ZDHHC14: variants seen among roughly 807,000 people sequenced by gnomAD.
ZDHHC14 encodes zDHHC palmitoyltransferase 14, also known as palmitoyltransferase ZDHHC14.
In ZDHHC14, 16 loss-of-function variants were observed where a neutral mutation model predicts 47.7. The observed-to-expected ratio is 0.34, with a 90% CI of 0.23 to 0.51. The LOEUF is 0.51. Among genes scored for constraint, ZDHHC14 ranks in the 20% least tolerant of loss-of-function variants. The pLI is 0.97. For synonymous variants in ZDHHC14, 293 were observed against 278.9 expected (o/e 1.05, Z -0.50); for missense variants, 515 against 662.5 (o/e 0.78, Z 2.44).
chr6:157,612,367 G>C (rs1023018878), intron 3 of ZDHHC14, among the ~76,000 whole-genome samples: 2 of 152,184 alleles, frequency 1.3e-5, no homozygotes, highest in African/African-American at 4.8e-5. Flanking sequence ...CTATGGGAAG[G>C]AGGCCAAAAT....
At position 157,628,349 on chromosome 6, in the gene ZDHHC14, A is replaced by G; in HGVS notation, c.566A>G (p.Glu189Gly). Residue 189 changes from glutamate to glycine, a missense_variant and splice_region_variant, in exon 4 of 9, where the codon GAA becomes GGA. Transcript: ENST00000359775. ...TTTTTTTTTCTGCCTCTCATTTCAGAACGGTTTGATCACCACTGTCCCTGG... is the reference window on the plus strand; with the variant it reads ...TTTTTTTTTCTGCCTCTCATTTCAGGACGGTTTGATCACCACTGTCCCTGG... ...SHCSLCDNCV[E>G]RFDHHCPWVG... 6.3e-7 allele frequency: 1 copy of G among 1,585,350 alleles called. No homozygotes were observed. Among genetic ancestry groups the G allele is most frequent in the Non-Finnish European group, 8.5e-7 (1 of 1,173,032 alleles).
rs923227352 is a variant in ZDHHC14 at position 157,557,033 on chromosome 6, C to G, written c.406+14288C>G. On this transcript the variant is annotated intron_variant, in intron 2 of 8. Transcript: ENST00000359775. ...TCCTCTTTCTCCACGAGGGAAAGGC[C>G]GAGAGCCTGGACCAGACCATGCCAC... is the stretch of plus-strand genomic sequence containing the variant. 2.6e-5 allele frequency among the ~76,000 whole-genome samples: 4 copies of G among 152,152 alleles called. 1 individual carries two copies. The highest frequency in any genetic ancestry group is 4.4e-5 in the Non-Finnish European group (3 of 68,030).
intron 8 of ZDHHC14, among the ~76,000 whole-genome samples, chr6:157,656,599 G>T (rs898903352): frequency 1.3e-5 from 2 of 151,560 alleles, no homozygotes; most frequent in Non-Finnish European, 2.9e-5. Context: ...GCCTCCCAAA[G>T]TGATAGGATT....
At chr6:157,526,227 A>G (rs900493983) in intron 1 of ZDHHC14, among the ~76,000 whole-genome samples, 10 of 152,348 alleles carry the variant, frequency 6.6e-5, no homozygotes, top group African/African-American at 2.2e-4. Context: ...TAACTCATCA[A>G]TTCTCAAAAC....
rs1325226474 is a variant in ZDHHC14, at chr6:157,636,330, TATATAA to T, written c.752+3449_752+3454del. Among the ~76,000 whole-genome samples, 5 of 76,018 alleles carry T rather than the reference TATATAA, an allele frequency of 6.6e-5. No homozygotes were observed. The East Asian group carries it at 2.9e-3, about 44-fold the overall frequency. 49.9% of individuals were successfully genotyped at this position (76,018 alleles called of 152,430 possible). A position where few individuals can be genotyped will look rare whatever the true frequency, so the allele number is the denominator to read the frequency against. On this transcript the variant is annotated intron_variant, in intron 5 of 8. Coordinates refer to ENST00000359775, the MANE Select transcript of ZDHHC14 (RefSeq NM_024630.3). ...CACATATATAAGGACTATATAAGGA[TATATAA>T]GTGTGTGTGTGTGTGTGTGTGTGTG...
chr6:157,582,455 C>G lies in ZDHHC14; in HGVS notation c.407-10533C>G, dbSNP rs1783550854. On this transcript the variant is annotated intron_variant, in intron 2 of 8. Transcript: ENST00000359775. The surrounding 1 kb of genome is among the most constrained non-coding windows in gnomAD (Gnocchi z 4.3). ...GTGGCAAGGAATTCCTCAACATTTG[C>G]TTTGAAAAAGATCTTACTTATCCCT... Among the ~76,000 whole-genome samples the G allele has an allele frequency of 6.6e-6, 1 of 152,126 alleles. No homozygotes were observed. The highest frequency in any genetic ancestry group is 2.4e-5 in the African/African-American group (1 of 41,436).
chr6:157,487,243 C>T (rs973096663), intron 1 of ZDHHC14, among the ~76,000 whole-genome samples: 1 of 152,122 alleles, frequency 6.6e-6, no homozygotes, highest in Non-Finnish European at 1.5e-5. Flanking sequence ...GGATTTCAGG[C>T]AGGAGGGAGA....
At chr6:157,472,647 A>G (rs1235947397) in intron 1 of ZDHHC14, among the ~76,000 whole-genome samples, 4 of 152,160 alleles carry the variant, frequency 2.6e-5, no homozygotes, top group African/African-American at 9.7e-5. Context: ...CCTTTGCTAC[A>G]AGATGCTACT....
Position 157,633,416 on chromosome 6 carries a change from G to A in ZDHHC14, c.752+534G>A, listed in dbSNP as rs1367081352. ...AGTCTCAAGTCATTTGGATTAATGA[G>A]GAGGATTCCCATCCTCCCAAGCATA... is the stretch of plus-strand genomic sequence containing the variant. On this transcript the variant is annotated intron_variant, in intron 5 of 8. Transcript: ENST00000359775. 2.9e-5 allele frequency among the ~76,000 whole-genome samples: 3 copies of A among 102,884 alleles called. No homozygotes were observed. The East Asian group carries it at 1.2e-3, about 40-fold the overall frequency. 67.5% of individuals were successfully genotyped at this position (102,884 alleles called of 152,430 possible). A position where few individuals can be genotyped will look rare whatever the true frequency, so the allele number is the denominator to read the frequency against.
At chr6:157,665,357 G>T (rs1778510291) in intron 8 of ZDHHC14, among the ~76,000 whole-genome samples, 2 of 152,094 alleles carry the variant, frequency 1.3e-5, no homozygotes, top group Admixed American at 6.6e-5. Context: ...TTAGCCGTGG[G>T]GTGTGACTAC....
intron 1 of ZDHHC14, among the ~76,000 whole-genome samples, chr6:157,519,752 G>C (rs917409393): frequency 6.6e-6 from 1 of 152,088 alleles, no homozygotes; most frequent in Non-Finnish European, 1.5e-5. Context: ...TCGTTTTTTT[G>C]TTGTTTGTTT....
chr6:157,482,688 C>T lies in ZDHHC14; in HGVS notation c.246-59897C>T, dbSNP rs535400075. 2.6e-3 allele frequency among the ~76,000 whole-genome samples: 395 copies of T among 152,122 alleles called. 2 individuals are homozygous for T. Among genetic ancestry groups the T allele is most frequent in the African/African-American group, 9.1e-3 (377 of 41,476 alleles). ...ATTGTTGCTCTCAGTGTGAACATTT[C>T]GCTGTCTTCTCGAGTCTGAATTGGA... On this transcript the variant is annotated intron_variant, in intron 1 of 8. Coordinates refer to ENST00000359775, the MANE Select transcript of ZDHHC14 (RefSeq NM_024630.3).
intron 3 of ZDHHC14, among the ~76,000 whole-genome samples, chr6:157,610,846 G>T (rs562146517): frequency 2.0e-4 from 30 of 152,330 alleles, no homozygotes; most frequent in African/African-American, 7.0e-4. Context: ...AAGCTGCCTG[G>T]GCAGCCAATT....
At position 157,556,741 on chromosome 6, in the gene ZDHHC14, G is replaced by A. The variant is rs150605819; in HGVS notation, c.406+13996G>A. ...CCGGGGCTGGAACAGGGGACACGAG[G>A]CTGGTGTTGAAGCAAAGGCTGGAGC... On this transcript the variant is annotated intron_variant, in intron 2 of 8. Coordinates refer to ENST00000359775, the MANE Select transcript of ZDHHC14 (RefSeq NM_024630.3). Among the ~76,000 whole-genome samples the A allele has an allele frequency of 5.6e-3, 854 of 152,362 alleles. 6 individuals carry two copies. Among genetic ancestry groups the A allele is most frequent in the Non-Finnish European group, 8.8e-3 (599 of 68,022 alleles).
intron 3 of ZDHHC14, among the ~76,000 whole-genome samples, chr6:157,626,540 A>G (rs1785427362): frequency 6.6e-6 from 1 of 152,182 alleles, no homozygotes; most frequent in Non-Finnish European, 1.5e-5. Context: ...TTAGGTTCAC[A>G]GCAAAATTGA....
intron 1 of ZDHHC14, among the ~76,000 whole-genome samples, chr6:157,421,560 A>C (rs1476643031): frequency 6.6e-6 from 1 of 151,668 alleles, no homozygotes. Context: ...TGAGAGCCTT[A>C]ATGGAAAAGC....
intron 1 of ZDHHC14, among the ~76,000 whole-genome samples, chr6:157,451,064 G>T (rs919931614): frequency 6.6e-5 from 10 of 151,514 alleles, no homozygotes; most frequent in African/African-American, 2.4e-4. Flanking sequence ...TTATGGATGA[G>T]ATCTGACCGC....
At chr6:157,665,193 A>C (rs749171118) in intron 8 of ZDHHC14, among the ~76,000 whole-genome samples, 1 of 152,180 alleles carries the variant, frequency 6.6e-6, no homozygotes, top group Non-Finnish European at 1.5e-5. Context: ...CCTTATATAC[A>C]GGCTGAATGC....
At chr6:157,482,886 G>C (rs939315465) in intron 1 of ZDHHC14, among the ~76,000 whole-genome samples, 9 of 152,198 alleles carry the variant, frequency 5.9e-5, no homozygotes, top group African/African-American at 1.9e-4. Context: ...GGGATTACAG[G>C]CATGCTCCAC....
Sources: allele counts gnomAD v4.1 joint callset (sites outside exome capture counted in the v4.1 genomes callset), GRCh38; gene constraint gnomAD v4.1.1; non-coding constraint Gnocchi (gnomAD v3.1); transcripts MANE v1.5; gene names NCBI Gene and HGNC (gene_info 2026-07-23, HGNC 2026-07-21).